The following RALGPS1 variants were observed in gnomAD, a reference collection of about 807,000 sequenced individuals.
RALGPS1 encodes the protein Ral GEF with PH domain and SH3 binding motif 1.
A neutral mutation model predicts 78.8 loss-of-function variants in RALGPS1; 19 were observed. The observed-to-expected ratio is 0.24, with a 90% CI of 0.17 to 0.35. The LOEUF is 0.35. Ranked by LOEUF, RALGPS1 falls within the 10% of genes least tolerant of loss-of-function variation. RALGPS1 has a pLI of 1.00. For synonymous variants in RALGPS1, 228 were observed against 256.3 expected (o/e 0.89, Z 1.06); for missense variants, 454 against 688.3 (o/e 0.66, Z 3.81).
At chr9:127,157,782 G>A (rs79203246) in intron 8 of RALGPS1, among the ~76,000 whole-genome samples, 12,564 of 152,062 alleles carry the variant, frequency 0.083, 1,718 homozygotes, top group African/African-American at 0.28. Flanking sequence ...CATATCACCT[G>A]CAAAAATGAC....
In RALGPS1 at chr9:127,121,663, C is replaced by T. The variant is rs550407916; in HGVS notation, c.611-44406C>T. Among the ~76,000 whole-genome samples the T allele has an allele frequency of 5.9e-5, 9 of 152,350 alleles. No individual in the cohort carries two copies. The East Asian group carries it at 1.3e-3, about 23-fold the overall frequency. Reference sequence around the variant, plus strand: ...CCCCTTGCGGGGGTACCAGGGAAGCCGCATCCTCCCTGTATCTTGGCCACA... The same window carrying T: ...CCCCTTGCGGGGGTACCAGGGAAGCTGCATCCTCCCTGTATCTTGGCCACA... On this transcript the variant is annotated intron_variant, in intron 8 of 18. Transcript: ENST00000259351.
At chr9:127,088,942 G>A in intron 8 of RALGPS1, 1 of 1,614,218 alleles carries the variant, frequency 6.2e-7, no homozygotes, top group Non-Finnish European at 8.5e-7. Context: ...AGCTGGCTTA[G>A]TGGAAGGTGT....
At chr9:127,103,185 G>C (rs138960609) in intron 8 of RALGPS1, among the ~76,000 whole-genome samples, 98 of 152,354 alleles carry the variant, frequency 6.4e-4, no homozygotes, top group Middle Eastern at 6.8e-3. Context: ...ACATACCATT[G>C]TGCTGGGGAA....
intron 5 of RALGPS1, among the ~76,000 whole-genome samples, chr9:127,047,437 GC>G (rs1185404378): frequency 6.6e-6 from 1 of 152,202 alleles, no homozygotes; most frequent in Non-Finnish European, 1.5e-5. Flanking sequence ...GGTGGCTCAT[GC>G]CTGTAATCCC....
chr9:126,947,937 G>A (rs1356203201), intron 1 of RALGPS1, among the ~76,000 whole-genome samples: 1 of 152,096 alleles, frequency 6.6e-6, no homozygotes, highest in African/African-American at 2.4e-5. Context: ...TGTTACAGAA[G>A]GTTTTTTTCC....
chr9:126,976,403 TCA>T (rs2040648175), intron 3 of RALGPS1, among the ~76,000 whole-genome samples: 2 of 136,004 alleles, frequency 1.5e-5, no homozygotes, highest in African/African-American at 2.5e-5. Flanking sequence ...ACATTCACAG[TCA>T]CACACACCAT....
chr9:126,954,903 C>G (rs368933200), intron 1 of RALGPS1, among the ~76,000 whole-genome samples: 35 of 152,342 alleles, frequency 2.3e-4, no homozygotes, highest in East Asian at 1.9e-3. Flanking sequence ...GCCCTGGCCC[C>G]AGCCTGTCTG....
intron 1 of RALGPS1, among the ~76,000 whole-genome samples, chr9:126,951,241 A>T (rs1273258707): frequency 3.4e-5 from 5 of 148,200 alleles, no homozygotes; most frequent in Admixed American, 6.8e-5. Flanking sequence ...CCAGAGGTAC[A>T]AGGAGGAACT....
At chr9:127,082,358 T>C (rs1336795879) in intron 8 of RALGPS1, among the ~76,000 whole-genome samples, 1 of 152,164 alleles carries the variant, frequency 6.6e-6, no homozygotes. Flanking sequence ...CCCTTGTTAC[T>C]CCGTGTCCAT....
chr9:126,933,684 A>G (rs1295976930), intron 1 of RALGPS1, among the ~76,000 whole-genome samples: 1 of 152,064 alleles, frequency 6.6e-6, no homozygotes, highest in African/African-American at 2.4e-5. Context: ...CCCCCTTGTA[A>G]CCTGCCCTGG....
At position 127,111,805 on chromosome 9, in the gene RALGPS1, G is replaced by A. The variant is rs76188075; in HGVS notation, c.610+42449G>A. Among the ~76,000 whole-genome samples the A allele has an allele frequency of 8.4e-3, 1,282 of 152,338 alleles. 17 individuals carry two copies. The highest frequency in any genetic ancestry group is 0.029 in the African/African-American group (1,207 of 41,564). On this transcript the variant is annotated intron_variant, in intron 8 of 18. Coordinates refer to ENST00000259351, the MANE Select transcript of RALGPS1 (RefSeq NM_014636.3). ...GCCCAAAATCAGAAAGCTAGAAGGT[G>A]GCAGAACCAGGGCTCAACCCTGGTC...
At chr9:127,136,425 C>T (rs1408143558) in intron 8 of RALGPS1, among the ~76,000 whole-genome samples, 3 of 152,158 alleles carry the variant, frequency 2.0e-5, no homozygotes, top group Admixed American at 6.5e-5. Flanking sequence ...ACCCTCTTCC[C>T]GGGACCCTGC....
At chr9:127,184,099 GAGGATCACTTGAGCCCAGGAGTTCAAGA>G (rs1381368967) in intron 11 of RALGPS1, 4 of 1,515,070 alleles carry the variant, frequency 2.6e-6, no homozygotes, top group Non-Finnish European at 3.5e-6. Context: ...GCCGAAGCAG[GAGGATCACTTGAGCCCAGGAGTTCAAGA>G]CCAGCCTGGG....
At chr9:127,040,007 C>T (rs1308522142) in intron 5 of RALGPS1, among the ~76,000 whole-genome samples, 1 of 152,132 alleles carries the variant, frequency 6.6e-6, no homozygotes, top group Admixed American at 6.5e-5. Flanking sequence ...GGAGTAGGTG[C>T]ATGGAAGAGC....
At chr9:127,015,415 C>T (rs769897724) in intron 4 of RALGPS1, among the ~76,000 whole-genome samples, 35 of 152,164 alleles carry the variant, frequency 2.3e-4, no homozygotes, top group Non-Finnish European at 3.4e-4. Context: ...GCCTGAGATA[C>T]AGTAAGCAAA....
At chr9:127,195,787 T>TCTCCCTTCTTCCTTCC in intron 12 of RALGPS1, among the ~76,000 whole-genome samples, 1 of 151,788 alleles carries the variant, frequency 6.6e-6, no homozygotes, top group East Asian at 1.9e-4. Context: ...CCCTTCCTTT[T>TCTCCCTTCTTCCTTCC]CTCCCTTCTT....
chr9:127,025,831 G>A (rs1314772804), intron 4 of RALGPS1, among the ~76,000 whole-genome samples: 8 of 151,680 alleles, frequency 5.3e-5, no homozygotes, highest in Non-Finnish European at 1.2e-4. Flanking sequence ...AGCTAGGACT[G>A]CAGGCAAGCA....
intron 4 of RALGPS1, among the ~76,000 whole-genome samples, chr9:126,979,194 C>T (rs1019294731): frequency 6.6e-6 from 1 of 151,638 alleles, no homozygotes; most frequent in Non-Finnish European, 1.5e-5. Context: ...TAGCTTTGTT[C>T]AGCATTTATG....
At chr9:127,093,683 G>C in intron 8 of RALGPS1, 1 of 1,600,902 alleles carries the variant, frequency 6.2e-7, no homozygotes, top group Non-Finnish European at 8.5e-7. Flanking sequence ...CTCTCTTGGG[G>C]TGGGCCAGTC....
Sources: gnomAD v4.1 joint callset for allele counts (sites outside exome capture counted in the v4.1 genomes callset) on GRCh38, gnomAD v4.1.1 for gene constraint, MANE v1.5 for transcripts, NCBI Gene and HGNC (gene_info 2026-07-23, HGNC 2026-07-21) for gene names.